The following USP10 variants were observed in gnomAD, a reference collection of about 807,000 sequenced individuals.
USP10 encodes ubiquitin specific peptidase 10.
In USP10, 22 loss-of-function variants were observed where a neutral mutation model predicts 84.5. That is an observed-to-expected ratio of 0.26 (90% CI 0.19 to 0.37). The LOEUF (loss-of-function observed/expected upper bound fraction) is 0.37, where lower values mean the gene tolerates loss of function less well. Among genes scored for constraint, USP10 ranks in the 10% least tolerant of loss-of-function variants. The pLI is 1.00. For synonymous variants in USP10, 454 were observed against 387.6 expected (o/e 1.17, Z -2.01); for missense variants, 1,019 against 998.9 (o/e 1.02, Z -0.27).
chr16:84,743,254 A>G (rs1487127545), intron 3 of USP10, among the ~76,000 whole-genome samples: 1 of 152,262 alleles, frequency 6.6e-6, no homozygotes, highest in Non-Finnish European at 1.5e-5. Context: ...TGTAATCGTC[A>G]TCAGTGTTCT....
chr16:84,751,593 A>T (rs546546657), intron 4 of USP10, among the ~76,000 whole-genome samples: 126 of 152,304 alleles, frequency 8.3e-4, no homozygotes, highest in African/African-American at 2.8e-3. Context: ...ACATAAGTTG[A>T]TCTGTAGTCA....
chr16:84,726,237 G>A (rs1333960671), intron 1 of USP10, among the ~76,000 whole-genome samples: 1 of 152,212 alleles, frequency 6.6e-6, no homozygotes, highest in East Asian at 1.9e-4. Flanking sequence ...TGTACTGATA[G>A]TCCCCAGCGT....
chr16:84,725,607 G>A (rs931931788), intron 1 of USP10, among the ~76,000 whole-genome samples: 15 of 151,980 alleles, frequency 9.9e-5, no homozygotes, highest in Admixed American at 7.9e-4. Context: ...GTTTCACCAT[G>A]TTGGCAGTCT....
At chr16:84,732,639 G>C (rs1909390516) in intron 1 of USP10, 2 of 303,728 alleles carry the variant, frequency 6.6e-6, no homozygotes, top group African/African-American at 2.3e-5. Context: ...TAAAGATGGG[G>C]GTTTCACCAT....
At chr16:84,740,444 A>G (rs1255817218) in intron 3 of USP10, 75 bp downstream of exon 3, 4 of 1,180,062 alleles carry the variant, frequency 3.4e-6, no homozygotes, top group African/African-American at 1.5e-5. Context: ...ACCTGTAAAC[A>G]TTGTTTCCCA....
chr16:84,764,181 G>C lies in USP10; in HGVS notation c.1750G>C (p.Gly584Arg), dbSNP rs377584670. Residue 584 changes from glycine to arginine, a missense_variant, in exon 10 of 14, where the codon GGC (glycine) becomes CGC (arginine). Transcript: ENST00000219473. ...EGSEDEWEQVGPRNKTSVTRQ... is the reference protein window; with the variant it reads ...EGSEDEWEQVRPRNKTSVTRQ... ...AAGCGAGGATGAATGGGAACAAGTG[G>C]GCCCCCGGAACAAGACTTCCGTCAC... 1.5e-5 allele frequency: 25 copies of C among 1,613,878 alleles called. No homozygotes were observed. In the African/African-American group the frequency reaches 2.7e-4, roughly 17 times the overall value.
intron 4 of USP10, among the ~76,000 whole-genome samples, chr16:84,756,740 C>T (rs752699446): frequency 5.9e-5 from 9 of 152,320 alleles, no homozygotes; most frequent in South Asian, 2.1e-4. Flanking sequence ...TATGCCTTTA[C>T]GTCATTGATG....
intron 4 of USP10, among the ~76,000 whole-genome samples, chr16:84,748,683 T>A (rs1911544439): frequency 6.6e-6 from 1 of 152,230 alleles, no homozygotes; most frequent in Admixed American, 6.5e-5. Flanking sequence ...CTATCTTTAT[T>A]TAAAATAACC....
At chr16:84,728,725 T>G (rs768377298) in intron 1 of USP10, among the ~76,000 whole-genome samples, 1 of 152,368 alleles carries the variant, frequency 6.6e-6, no homozygotes, top group Non-Finnish European at 1.5e-5. Context: ...TTTTGTAGTT[T>G]TATCAGCATA....
At chr16:84,747,612 T>C (rs966799656) in intron 4 of USP10, among the ~76,000 whole-genome samples, 1 of 138,446 alleles carries the variant, frequency 7.2e-6, no homozygotes, top group Admixed American at 8.1e-5. Flanking sequence ...GCTCAGGCTG[T>C]AGTGCAGGAG....
intron 4 of USP10, among the ~76,000 whole-genome samples, chr16:84,756,783 A>G (rs1018393426): frequency 7.2e-5 from 11 of 152,234 alleles, no homozygotes; most frequent in African/African-American, 1.7e-4. Context: ...TAACACTGCA[A>G]TGACATTAGT....
At chr16:84,768,676 C>T (rs1187371294) in intron 11 of USP10, among the ~76,000 whole-genome samples, 1 of 152,120 alleles carries the variant, frequency 6.6e-6, no homozygotes, top group African/African-American at 2.4e-5. Context: ...GGCCAAATAG[C>T]TTATTTATGT....
At chr16:84,742,485 C>A (rs139498907) in intron 3 of USP10, among the ~76,000 whole-genome samples, 122 of 152,326 alleles carry the variant, frequency 8.0e-4, no homozygotes, top group Non-Finnish European at 1.3e-3. Context: ...CCCTCCCTCG[C>A]CCCCTGCCTT....
At chr16:84,738,864 G>A (rs1173867391) in intron 2 of USP10, among the ~76,000 whole-genome samples, 1 of 152,170 alleles carries the variant, frequency 6.6e-6, no homozygotes, top group African/African-American at 2.4e-5. Context: ...TCAAGCAGCA[G>A]CTCTCATACA....
At chr16:84,726,731 G>T (rs1396906045) in intron 1 of USP10, among the ~76,000 whole-genome samples, 6 of 152,234 alleles carry the variant, frequency 3.9e-5, no homozygotes. Context: ...GGAAGTGGTG[G>T]AGGGGAATAA....
intron 12 of USP10, among the ~76,000 whole-genome samples, chr16:84,773,801 G>A (rs765056331): frequency 1.3e-5 from 2 of 152,172 alleles, no homozygotes; most frequent in Non-Finnish European, 2.9e-5. Context: ...AGTCAAAGAA[G>A]GCATCCTCGG....
rs142032383 is a variant in USP10, at chr16:84,768,126, G to T, written c.1833-67G>T. 437 of 1,459,802 alleles carry T rather than the reference G, an allele frequency of 3.0e-4. No individual in the cohort carries two copies. The African/African-American group carries it at 5.2e-3, about 17-fold the overall frequency. The allele number at this position is 1,459,802 out of a possible 1,614,324, so 90.4% of individuals were successfully genotyped here. A position where few individuals can be genotyped will look rare whatever the true frequency, so the allele number is the denominator to read the frequency against. On this transcript the variant is annotated intron_variant, in intron 10 of 13. Transcript: ENST00000219473. ...CTTATTTTCAGTGTTTATTCCCTTG[G>T]TTAATCTTAAGGGAAAGTGGCAAGG...
At chr16:84,712,578 A>G (rs926696882) in intron 1 of USP10, among the ~76,000 whole-genome samples, 1 of 152,216 alleles carries the variant, frequency 6.6e-6, no homozygotes, top group African/African-American at 2.4e-5. Flanking sequence ...TAATAGTTCT[A>G]GGCATGAAGT....
At chr16:84,740,967 G>A (rs1206615063) in intron 3 of USP10, among the ~76,000 whole-genome samples, 1 of 152,228 alleles carries the variant, frequency 6.6e-6, no homozygotes, top group Non-Finnish European at 1.5e-5. Context: ...ATACCAACAA[G>A]GTTGTTTAAT....
Sources: allele counts gnomAD v4.1 joint callset (sites outside exome capture counted in the v4.1 genomes callset), GRCh38; gene constraint gnomAD v4.1.1; transcripts MANE v1.5; gene names NCBI Gene and HGNC (gene_info 2026-07-23, HGNC 2026-07-21).